Variants in MMP7 observed in about 807,000 individuals in gnomAD.
MMP7 encodes matrix metallopeptidase 7.
In MMP7, 26 loss-of-function variants were observed where a neutral mutation model predicts 31.5. The ratio of observed to expected loss-of-function variants is 0.83; its 90% CI spans 0.61 to 1.15. The LOEUF (loss-of-function observed/expected upper bound fraction) is 1.15. Among genes scored for constraint, MMP7 ranks in the 50% most tolerant of loss-of-function variants. MMP7 has a pLI of 0.00. For synonymous variants in MMP7, 142 were observed against 124.2 expected, an observed-to-expected ratio of 1.14 and a Z score of -0.95; for missense variants, 367 against 326.5, an observed-to-expected ratio of 1.12 and a Z score of -0.96.
intron 3 of MMP7, among the ~76,000 whole-genome samples, chr11:102,525,954 C>G (rs973325602): frequency 6.6e-6 from 1 of 151,576 alleles, no homozygotes; most frequent in African/African-American, 2.4e-5. Context: ...ACTTGTAGTG[C>G]CATGATTAGT....
At chr11:102,525,243 G>A (rs1858656834) in intron 3 of MMP7, among the ~76,000 whole-genome samples, 179 bp from the exon 4 acceptor site, 1 of 152,118 alleles carries the variant, frequency 6.6e-6, no homozygotes, top group Admixed American at 6.5e-5. Context: ...TTTGAGACCT[G>A]TCTGGCTAAC....
intron 4 of MMP7, 49 bp from the exon 5 acceptor site, chr11:102,523,450 A>G: frequency 7.2e-7 from 1 of 1,386,278 alleles, no homozygotes; most frequent in South Asian, 1.6e-5. Context: ...AGCTACATAC[A>G]TTATGTAATA....
chr11:102,527,394 T>C, intron 3 of MMP7, 130 bp downstream of exon 3: 1 of 1,106,454 alleles, frequency 9.0e-7, no homozygotes, highest in Non-Finnish European at 1.3e-6. Flanking sequence ...TTGCTAAATC[T>C]ATCTATTAAC....
chr11:102,520,726 A>G lies in MMP7; in HGVS notation c.*50T>C. 7 of 1,430,326 alleles carry G rather than the reference A, an allele frequency of 4.9e-6. No homozygotes were observed. The highest frequency in any genetic ancestry group is 1.8e-4 in the Middle Eastern group (1 of 5,694). The allele number at this position is 1,430,326 out of a possible 1,614,324, so 88.6% of individuals were successfully genotyped here. The stretch of plus-strand genomic sequence containing the variant: ...TGCTTATCAATTCTGATTGTGCAAC[A>G]ATGATATACAATCCAATGAATGAAT... On this transcript the variant is annotated 3_prime_UTR_variant, in exon 6 of 6. Transcript: ENST00000260227.
intron 4 of MMP7, among the ~76,000 whole-genome samples, chr11:102,524,069 G>C (rs141103709): frequency 1.3e-5 from 2 of 152,292 alleles, no homozygotes; most frequent in East Asian, 1.9e-4. Flanking sequence ...GTGTGAGCCC[G>C]TGCGTTTGAG....
chr11:102,528,066 GT>G (rs1250727392), intron 1 of MMP7, 83 bp from the exon 2 acceptor site: 5 of 974,616 alleles, frequency 5.1e-6, no homozygotes, highest in African/African-American at 1.7e-5. Flanking sequence ...CTTGCCTTTG[GT>G]TCCTGTGAAT....
In MMP7 at chr11:102,527,786, T is replaced by C. The variant is rs766781129; in HGVS notation, c.306A>G (p.Pro102=). ...AGGTGACCACTTTGGAAGTCCATTTTGGGCTATTTGGAAATAGTGAGTATT... is the reference window on the plus strand; with the variant it reads ...AGGTGACCACTTTGGAAGTCCATTTCGGGCTATTTGGAAATAGTGAGTATT... ...VAEYSLFPNS[P]KWTSKVVTYR... is the part of the protein sequence containing the mutation. Residue 102 remains proline (P), a synonymous_variant, in exon 2 of 6, where the codon CCA becomes CCG. Coordinates refer to ENST00000260227, the MANE Select transcript of MMP7 (RefSeq NM_002423.5). The C allele has an allele frequency of 6.2e-7, 1 of 1,614,190 alleles. No homozygotes were observed. Among genetic ancestry groups the C allele is most frequent in the East Asian group, 2.2e-5 (1 of 44,876 alleles).
chr11:102,525,097 C>A, intron 3 of MMP7, 33 bp from the exon 4 acceptor site: 1 of 1,568,492 alleles, frequency 6.4e-7, no homozygotes, highest in African/African-American at 1.4e-5. Context: ...TTCTTAGTGA[C>A]TGATTTTTTT....
chr11:102,520,789 G>A lies in MMP7; in HGVS notation c.791C>T (p.Ser264Leu), dbSNP rs1262734060. ...TGCCTGAAGTTTCTATTTCTTTCTT[G>A]AATTACTTCTCTTTCCTATTGAGAG... ...IQKLYGKRSN[S>L]RKK Residue 264 changes from serine to leucine, a missense_variant, in exon 6 of 6, where the codon TCA (serine) becomes TTA (leucine). Physicochemically the swap from Ser to Leu is moderately radical, Grantham distance 145. Transcript: ENST00000260227. 1 of 1,566,740 alleles carries A rather than the reference G, an allele frequency of 6.4e-7. No homozygotes were observed. Among genetic ancestry groups the A allele is most frequent in the Non-Finnish European group, 8.7e-7 (1 of 1,149,440 alleles).
At chr11:102,520,935 G>C (rs1404932533) in intron 5 of MMP7, 131 bp from the exon 6 acceptor site, 2 of 620,434 alleles carry the variant, frequency 3.2e-6, no homozygotes, top group Non-Finnish European at 5.3e-6. Flanking sequence ...CTTGTCCCTG[G>C]GACAAAGATT....
intron 3 of MMP7, 88 bp from the exon 4 acceptor site, chr11:102,525,152 TA>T (rs1858655794): frequency 6.7e-7 from 1 of 1,482,762 alleles, no homozygotes; most frequent in Non-Finnish European, 9.0e-7. Context: ...TTATTGAGGC[TA>T]GAAAAAGCAG....
chr11:102,523,509 GT>G, intron 4 of MMP7, 108 bp from the exon 5 acceptor site: 1 of 929,148 alleles, frequency 1.1e-6, no homozygotes, highest in Non-Finnish European at 1.4e-6. Context: ...AAATACCCAA[GT>G]TTTAGCCCAC....
At chr11:102,526,350 A>G (rs1191226452) in intron 3 of MMP7, among the ~76,000 whole-genome samples, 1 of 150,548 alleles carries the variant, frequency 6.6e-6, no homozygotes, top group Non-Finnish European at 1.5e-5. Context: ...AGCGATTCTC[A>G]TGCTTCAGCC....
chr11:102,520,909 T>G (rs993873814), intron 5 of MMP7, 105 bp from the exon 6 acceptor site: 4 of 734,220 alleles, frequency 5.4e-6, no homozygotes, highest in Non-Finnish European at 6.5e-6. Context: ...TAATCTATTA[T>G]TCACTCAGAC....
At chr11:102,528,066 G>T (rs1004871290) in intron 1 of MMP7, 83 bp from the exon 2 acceptor site, 2 of 974,614 alleles carry the variant, frequency 2.1e-6, no homozygotes, top group Non-Finnish European at 3.0e-6. Flanking sequence ...CTTGCCTTTG[G>T]TTCCTGTGAA....
chr11:102,527,761 A>G lies in MMP7; in HGVS notation c.331T>C (p.Tyr111His). 6.2e-7 allele frequency: 1 copy of G among 1,614,204 alleles called. No individual in the cohort carries two copies. Among genetic ancestry groups the G allele is most frequent in the Non-Finnish European group, 8.5e-7 (1 of 1,180,018 alleles). Reference sequence around the variant, plus strand: ...ATGAGCCAGAGCAAAACTAACCTGTAGGTGACCACTTTGGAAGTCCATTTT... The same window carrying G: ...ATGAGCCAGAGCAAAACTAACCTGTGGGTGACCACTTTGGAAGTCCATTTT... ...SPKWTSKVVT[Y>H]RIVSYTRDLP... The change falls in exon 2 of 6, where the codon TAC becomes CAC. Residue 111 changes from tyrosine (Y) to histidine (H), a missense_variant. Transcript: ENST00000260227.
At chr11:102,524,907 T>C (rs751239873) in intron 4 of MMP7, 29 bp downstream of exon 4, 13 of 1,593,108 alleles carry the variant, frequency 8.2e-6, no homozygotes, top group Admixed American at 1.8e-5. Context: ...AAAACGGATG[T>C]GGAGTAGAAG....
chr11:102,521,046 T>C (rs567178607), intron 5 of MMP7, among the ~76,000 whole-genome samples: 3 of 152,334 alleles, frequency 2.0e-5, no homozygotes, highest in Admixed American at 1.3e-4. Context: ...TTACTAGATG[T>C]GTGACCTTAG....
intron 5 of MMP7, among the ~76,000 whole-genome samples, chr11:102,521,198 ATTAT>A (rs1013279272): frequency 7.2e-5 from 11 of 152,166 alleles, no homozygotes; most frequent in African/African-American, 2.6e-4. Flanking sequence ...CATGTTAGCT[ATTAT>A]TTATTTATTT....
Sources: allele counts gnomAD v4.1 joint callset (sites outside exome capture counted in the v4.1 genomes callset), GRCh38; gene constraint gnomAD v4.1.1; transcripts MANE v1.5; gene names NCBI Gene and HGNC (gene_info 2026-07-23, HGNC 2026-07-21).